TRAPPC13: variants seen among roughly 807,000 people sequenced by gnomAD.
TRAPPC13 encodes the protein REV7-interacting novel NHEJ regulator 1.
TRAPPC13 carries 39 observed loss-of-function variants against 54.0 expected under a neutral mutation model. The observed-to-expected ratio is 0.72, with a 90% CI of 0.56 to 0.94. The LOEUF (loss-of-function observed/expected upper bound fraction) is 0.94. Among genes scored for constraint, TRAPPC13 ranks in the 40% least tolerant of loss-of-function variants. TRAPPC13 has a pLI of 0.00. For synonymous variants in TRAPPC13, 148 were observed against 167.7 expected (o/e 0.88, Z 0.91); for missense variants, 386 against 488.1 (o/e 0.79, Z 1.97).
chr5:65,628,581 C>T (rs12153235), intron 1 of TRAPPC13, among the ~76,000 whole-genome samples: 35,542 of 151,564 alleles, frequency 0.23, 4,609 homozygotes, highest in South Asian at 0.33. Context: ...AAGCGATTCT[C>T]CTCCCTCAGC....
chr5:65,629,685 G>C, intron 1 of TRAPPC13: 2 of 1,535,918 alleles, frequency 1.3e-6, no homozygotes, highest in Non-Finnish European at 1.7e-6. Context: ...TTTCCTACTC[G>C]TCCGCTATCA....
chr5:65,650,780 CAG>C, intron 5 of TRAPPC13, 28 bp from the exon 6 acceptor site: 1 of 1,575,668 alleles, frequency 6.3e-7, no homozygotes, highest in Admixed American at 1.7e-5. Context: ...AAAAATGACT[CAG>C]AATCGTTAAG....
Position 65,662,038 on chromosome 5 carries a change from T to C in TRAPPC13, c.898-12T>C. On this transcript the variant is annotated splice_polypyrimidine_tract_variant and intron_variant, in intron 10 of 12. Transcript: ENST00000399438. ...GATAGATATACATTAACTGTGTTGC[T>C]TGTTTTCTTAGGCTCCAGGTTATGG... The C allele has an allele frequency of 6.3e-7, 1 of 1,588,920 alleles. No homozygotes were observed. The highest frequency in any genetic ancestry group is 8.6e-7 in the Non-Finnish European group (1 of 1,168,836).
chr5:65,666,144 C>T lies in TRAPPC13; in HGVS notation c.*1533C>T, dbSNP rs1438530568. ...TATTTTATAGCCACTGCATTGGATA[C>T]TTGGATTGTTTTTCAAGCATCTTCT... On this transcript the variant is annotated 3_prime_UTR_variant, in exon 13 of 13. Transcript: ENST00000399438. 6 of 152,512 alleles carry T rather than the reference C, an allele frequency of 3.9e-5. No individual in the cohort carries two copies. The highest frequency in any genetic ancestry group is 1.5e-5 in the Non-Finnish European group (1 of 67,976). 9.4% of individuals were successfully genotyped at this position (152,512 alleles called of 1,614,324 possible).
At chr5:65,659,766 T>A (rs995223289) in intron 9 of TRAPPC13, among the ~76,000 whole-genome samples, 3 of 152,102 alleles carry the variant, frequency 2.0e-5, no homozygotes, top group Non-Finnish European at 4.4e-5. Context: ...AGAGGATTGC[T>A]TGAAGCTATG....
rs1336836954 is a variant in TRAPPC13, at chr5:65,652,358, G to T, written c.502-143G>T. The T allele has an allele frequency of 2.4e-4, 35 of 148,116 alleles. No individual in the cohort carries two copies. The African/African-American group carries it at 2.6e-3, about 11-fold the overall frequency. The allele number at this position is 148,116 out of a possible 1,614,324, so 9.2% of individuals were successfully genotyped here. ...TCTTTTCTTTTTTTTTTTTTTTTTG[G>T]AAGAATATTGCATACCTATTAGAAA... On this transcript the variant is annotated intron_variant, in intron 6 of 12. Transcript: ENST00000399438.
intron 1 of TRAPPC13, among the ~76,000 whole-genome samples, chr5:65,632,470 G>A (rs1375506323): frequency 6.6e-6 from 1 of 152,006 alleles, no homozygotes; most frequent in Non-Finnish European, 1.5e-5. Context: ...GGTATTTCTG[G>A]TAAGGCATGA....
At chr5:65,645,924 A>ATT (rs34495270) in intron 4 of TRAPPC13, among the ~76,000 whole-genome samples, 4 of 150,410 alleles carry the variant, frequency 2.7e-5, no homozygotes, top group African/African-American at 2.4e-5. Flanking sequence ...CTTTCCCTCA[A>ATT]TTTTTTTTTT....
chr5:65,634,091 T>G (rs1383206607), intron 1 of TRAPPC13, among the ~76,000 whole-genome samples: 1 of 147,300 alleles, frequency 6.8e-6, no homozygotes, highest in East Asian at 2.2e-4. Flanking sequence ...CTTCATGCCA[T>G]TCTCCTGCCT....
chr5:65,657,759 G>A (rs187159679), intron 8 of TRAPPC13, among the ~76,000 whole-genome samples: 20 of 152,188 alleles, frequency 1.3e-4, no homozygotes, highest in African/African-American at 4.6e-4. Context: ...AAAGCTCTAC[G>A]ATGGTGAAGT....
In TRAPPC13 at chr5:65,625,083, A is replaced by G; in HGVS notation, c.23A>G (p.Gln8Arg). The change falls in exon 1 of 13, where the codon CAG (glutamine) becomes CGG (arginine). Residue 8 changes from glutamine (Q) to arginine (R), a missense_variant. Coordinates refer to ENST00000399438, the MANE Select transcript of TRAPPC13 (RefSeq NM_024941.4). Reference sequence around the variant, plus strand: ...AAAATGGAAGTGAATCCCCCTAAACAGGAGCACCTGCTGGCGCTAAAAGGT... The same window carrying G: ...AAAATGGAAGTGAATCCCCCTAAACGGGAGCACCTGCTGGCGCTAAAAGGT... Reference protein sequence around the residue: MEVNPPKQEHLLALKVMR... With the variant: MEVNPPKREHLLALKVMR... 4 of 1,613,880 alleles carry G rather than the reference A, an allele frequency of 2.5e-6. No homozygotes were observed. The highest frequency in any genetic ancestry group is 3.4e-6 in the Non-Finnish European group (4 of 1,179,784).
intron 4 of TRAPPC13, among the ~76,000 whole-genome samples, chr5:65,644,263 A>G (rs114751862): frequency 8.0e-4 from 122 of 151,750 alleles, no homozygotes; most frequent in African/African-American, 2.9e-3. Context: ...TGCAACCTCC[A>G]CCTCCTGGTT....
chr5:65,628,410 G>A (rs191030537), intron 1 of TRAPPC13, among the ~76,000 whole-genome samples: 113 of 151,862 alleles, frequency 7.4e-4, no homozygotes, highest in African/African-American at 2.6e-3. Context: ...AGAGAATGAC[G>A]TGAAATCATC....
chr5:65,647,054 G>A lies in TRAPPC13; in HGVS notation c.301-1G>A. ...TTTTTTTTTTTTAACTTTCTTTCAAGGCTGATCTTCAGACAAGTTCTCAGC... is the reference window on the plus strand; with the variant it reads ...TTTTTTTTTTTTAACTTTCTTTCAAAGCTGATCTTCAGACAAGTTCTCAGC... On this transcript the variant is annotated splice_acceptor_variant, in intron 4 of 12. Coordinates refer to ENST00000399438, the MANE Select transcript of TRAPPC13 (RefSeq NM_024941.4). LOFTEE classifies it high-confidence loss of function. 2 of 1,518,052 alleles carry A rather than the reference G, an allele frequency of 1.3e-6. No homozygotes were observed. Among genetic ancestry groups the A allele is most frequent in the Non-Finnish European group, 1.8e-6 (2 of 1,133,104 alleles). The allele number at this position is 1,518,052 out of a possible 1,614,324, so 94.0% of individuals were successfully genotyped here.
intron 1 of TRAPPC13, 76 bp downstream of exon 1, chr5:65,625,182 G>A (rs1166355582): frequency 7.2e-6 from 9 of 1,257,872 alleles, no homozygotes; most frequent in Non-Finnish European, 1.1e-5. Context: ...TGCCATGTAG[G>A]CCTCATCCTT....
chr5:65,641,234 A>T (rs1561767921), intron 4 of TRAPPC13, among the ~76,000 whole-genome samples: 1 of 152,214 alleles, frequency 6.6e-6, no homozygotes, highest in African/African-American at 2.4e-5. Flanking sequence ...ATATCTGGCC[A>T]GATAAGCCAA....
At chr5:65,631,845 T>A (rs1464234789) in intron 1 of TRAPPC13, among the ~76,000 whole-genome samples, 2 of 151,546 alleles carry the variant, frequency 1.3e-5, no homozygotes, top group Non-Finnish European at 2.9e-5. Context: ...CTTTTCTTTA[T>A]AATAGAAATT....
chr5:65,660,662 A>G (rs1271404198), intron 9 of TRAPPC13, 37 bp from the exon 10 acceptor site: 3 of 1,510,422 alleles, frequency 2.0e-6, no homozygotes, highest in African/African-American at 2.8e-5. Flanking sequence ...AAAAGATGCT[A>G]GAGAATTTTC....
chr5:65,634,081 C>G (rs1312361401), intron 1 of TRAPPC13, among the ~76,000 whole-genome samples: 2 of 149,098 alleles, frequency 1.3e-5, no homozygotes, highest in Non-Finnish European at 3.0e-5. Flanking sequence ...CGCCTCCCGG[C>G]TTCATGCCAT....
Sources: allele counts gnomAD v4.1 joint callset (sites outside exome capture counted in the v4.1 genomes callset), GRCh38; gene constraint gnomAD v4.1.1; transcripts MANE v1.5; gene names NCBI Gene and HGNC (gene_info 2026-07-23, HGNC 2026-07-21).